The following LONP2 variants were observed in gnomAD, a reference collection of about 807,000 sequenced individuals.
LONP2 encodes lon protease homolog 2, peroxisomal.
A neutral mutation model predicts 85.6 loss-of-function variants in LONP2; 60 were observed. That is an observed-to-expected ratio of 0.70 (90% CI 0.57 to 0.87). The LOEUF is 0.87. Ranked by LOEUF, LONP2 falls within the 40% of genes least tolerant of loss-of-function variation. The probability of loss-of-function intolerance (pLI) is 0.00; values close to 1 mark genes in which losing one functional copy is unlikely to be tolerated. For missense variants in LONP2, 860 were observed against 1,063.5 expected (o/e 0.81, Z 2.66); for synonymous variants, 395 against 389.7 (o/e 1.01, Z -0.16).
At chr16:48,266,747 C>T (rs1971998083) in intron 6 of LONP2, among the ~76,000 whole-genome samples, 1 of 151,920 alleles carries the variant, frequency 6.6e-6, no homozygotes, top group Non-Finnish European at 1.5e-5. Flanking sequence ...ATTTGTTTAT[C>T]AATTCATCTG....
intron 2 of LONP2, among the ~76,000 whole-genome samples, chr16:48,252,610 C>T (rs1255899058): frequency 1.3e-5 from 2 of 152,202 alleles, no homozygotes; most frequent in Non-Finnish European, 2.9e-5. Flanking sequence ...CTAACTTCTA[C>T]TGTCTCTAAA....
intron 11 of LONP2, among the ~76,000 whole-genome samples, chr16:48,327,723 G>C (rs1959289400): frequency 6.6e-6 from 1 of 152,160 alleles, no homozygotes. Flanking sequence ...CTCCCAAAGT[G>C]CTGGGATTAT....
At chr16:48,258,342 T>C (rs1971805351) in intron 3 of LONP2, among the ~76,000 whole-genome samples, 1 of 140,280 alleles carries the variant, frequency 7.1e-6, no homozygotes, top group African/African-American at 2.9e-5. Context: ...CAAGATTCCG[T>C]CTCAAAAAAA....
chr16:48,251,340 A>G (rs745902352), intron 1 of LONP2, among the ~76,000 whole-genome samples: 10 of 152,094 alleles, frequency 6.6e-5, no homozygotes, highest in Non-Finnish European at 1.2e-4. Context: ...TGATTTTTGT[A>G]TTTTATATAA....
At chr16:48,248,666 A>C (rs1054212854) in intron 1 of LONP2, among the ~76,000 whole-genome samples, 2 of 152,140 alleles carry the variant, frequency 1.3e-5, no homozygotes, top group Non-Finnish European at 2.9e-5. Flanking sequence ...ACATCATTGC[A>C]GGAAGGTCTT....
downstream of LONP2, among the ~76,000 whole-genome samples, chr16:48,358,638 CAT>C (rs918868315): frequency 2.6e-5 from 4 of 151,998 alleles, no homozygotes; most frequent in Non-Finnish European, 5.9e-5. Flanking sequence ...GCCTGGGCAA[CAT>C]AGCGAGACCC....
chr16:48,283,487 G>GA (rs1426161736), intron 8 of LONP2, among the ~76,000 whole-genome samples: 3 of 152,142 alleles, frequency 2.0e-5, no homozygotes, highest in African/African-American at 7.2e-5. Context: ...TGACCATTCT[G>GA]AAAACCCTAA....
intron 9 of LONP2, among the ~76,000 whole-genome samples, chr16:48,299,114 A>C (rs1972742238): frequency 6.6e-6 from 1 of 151,706 alleles, no homozygotes; most frequent in Admixed American, 6.6e-5. Flanking sequence ...CTGGTCTCAA[A>C]CTCTTAAGTT....
At chr16:48,281,972 TTTC>T (rs1350499004) in intron 8 of LONP2, among the ~76,000 whole-genome samples, 1 of 152,246 alleles carries the variant, frequency 6.6e-6, no homozygotes, top group Non-Finnish European at 1.5e-5. Flanking sequence ...ATTATTTTAA[TTTC>T]TTATTTCACT....
intron 8 of LONP2, among the ~76,000 whole-genome samples, chr16:48,288,101 A>G (rs1972485316): frequency 6.6e-6 from 1 of 151,306 alleles, no homozygotes; most frequent in African/African-American, 2.4e-5. Flanking sequence ...TGTTGTCTGC[A>G]CCAGTAGTAA....
chr16:48,261,459 T>G lies in LONP2; in HGVS notation c.759T>G (p.His253Gln), dbSNP rs199597008. ...IAIRPIRRIT[H>Q]ISGTLEDEDE... ...TACGCCCTATTAGGAGAATTACACA[T>G]ATCTCAGGTACTTTAGAAGATGAAG... Residue 253 changes from histidine to glutamine, a missense_variant, in exon 5 of 15, where the codon CAT becomes CAG. Around this residue, in one of 3 missense-constraint regions of LONP2, gnomAD observed 743 missense variants for 917.3 expected, o/e 0.81. Transcript: ENST00000285737. The G allele has an allele frequency of 8.7e-6, 14 of 1,608,400 alleles. No individual in the cohort carries two copies. The highest frequency in any genetic ancestry group is 8.5e-6 in the Non-Finnish European group (10 of 1,176,864).
intron 9 of LONP2, among the ~76,000 whole-genome samples, chr16:48,298,626 G>GGTGTGT (rs3138605): frequency 0.089 from 11,985 of 134,240 alleles, 635 homozygotes; most frequent in East Asian, 0.21. Context: ...ATTTAATTGA[G>GGTGTGT]GTGTGTGTGT....
chr16:48,354,860 CTTT>C lies in LONP2; in HGVS notation c.*3061_*3063del, dbSNP rs1228344538. The stretch of plus-strand genomic sequence containing the variant: ...TAGCTTTAGCTCAAAGGAACTCCAA[CTTT>C]TTATTATTTGCAACAGTTAGCTTTC... On this transcript the variant is annotated 3_prime_UTR_variant, in exon 15 of 15. Transcript: ENST00000285737. 1 of 150,038 alleles carries C rather than the reference CTTT, an allele frequency of 6.7e-6. No individual in the cohort carries two copies. The highest frequency in any genetic ancestry group is 2.5e-5 in the African/African-American group (1 of 40,198). The allele number at this position is 150,038 out of a possible 1,614,324, so 9.3% of individuals were successfully genotyped here. A position where few individuals can be genotyped will look rare whatever the true frequency, so the allele number is the denominator to read the frequency against.
chr16:48,327,765 A>G (rs1255301214), intron 11 of LONP2, among the ~76,000 whole-genome samples: 1 of 152,152 alleles, frequency 6.6e-6, no homozygotes, highest in Non-Finnish European at 1.5e-5. Context: ...GCCTCACTTT[A>G]TTACTTTTAA....
chr16:48,306,181 GTT>G (rs1370722608), intron 11 of LONP2, among the ~76,000 whole-genome samples: 1 of 152,142 alleles, frequency 6.6e-6, no homozygotes, highest in Non-Finnish European at 1.5e-5. Flanking sequence ...AAATAAATGA[GTT>G]TATTAGGTAA....
intron 1 of LONP2, among the ~76,000 whole-genome samples, chr16:48,248,432 T>C (rs1971523995): frequency 3.9e-5 from 6 of 152,086 alleles, no homozygotes; most frequent in Admixed American, 3.3e-4. Context: ...TGTTCTACCT[T>C]TTTGAATCTC....
intron 12 of LONP2, among the ~76,000 whole-genome samples, chr16:48,337,848 C>CTT (rs1747178807): frequency 6.6e-6 from 1 of 152,200 alleles, no homozygotes; most frequent in Non-Finnish European, 1.5e-5. Context: ...AGGTCTCACT[C>CTT]TGTCACCTAG....
intron 8 of LONP2, among the ~76,000 whole-genome samples, chr16:48,288,256 C>T (rs1036373226): frequency 4.7e-5 from 7 of 149,738 alleles, no homozygotes; most frequent in South Asian, 4.2e-4. Flanking sequence ...CAGGTTCAAG[C>T]GATTCTCCTG....
intron 12 of LONP2, among the ~76,000 whole-genome samples, chr16:48,340,924 A>G (rs999895127): frequency 2.0e-5 from 3 of 152,128 alleles, no homozygotes; most frequent in African/African-American, 4.8e-5. Flanking sequence ...CTCAAAAAAA[A>G]CAAAGAACCA....
Sources: allele counts gnomAD v4.1 joint callset (sites outside exome capture counted in the v4.1 genomes callset), GRCh38; gene constraint gnomAD v4.1.1; regional missense constraint gnomAD v4.1.1; transcripts MANE v1.5; gene names NCBI Gene and HGNC (gene_info 2026-07-23, HGNC 2026-07-21).